Variants in DLGAP2 observed in about 807,000 individuals in gnomAD.
DLGAP2 encodes disks large-associated protein 2.
In DLGAP2, 26 loss-of-function variants were observed where a neutral mutation model predicts 100.3. The observed-to-expected ratio is 0.26, with a 90% CI of 0.19 to 0.36. DLGAP2 has a LOEUF of 0.36. Among genes scored for constraint, DLGAP2 ranks in the 10% least tolerant of loss-of-function variants. The pLI, the probability that DLGAP2 is intolerant of heterozygous loss-of-function variation, is 1.00. For synonymous variants in DLGAP2, 886 were observed against 630.1 expected (o/e 1.41, Z -6.08); for missense variants, 1,858 against 1,453.2 (o/e 1.28, Z -4.53).
At chr8:1,142,194 A>G (rs1213058542) in intron 2 of DLGAP2, among the ~76,000 whole-genome samples, 3 of 152,022 alleles carry the variant, frequency 2.0e-5, no homozygotes, top group African/African-American at 4.8e-5. Context: ...AGAGGTTGCT[A>G]TACAGTTTTT....
At chr8:1,520,392 G>T (rs1800551996) in intron 4 of DLGAP2, among the ~76,000 whole-genome samples, 1 of 152,210 alleles carries the variant, frequency 6.6e-6, no homozygotes, top group Non-Finnish European at 1.5e-5. Flanking sequence ...CACTGGCGTG[G>T]TGCATCTGTC....
intron 4 of DLGAP2, among the ~76,000 whole-genome samples, chr8:1,525,191 CTT>C (rs56358216): frequency 0.34 from 34,574 of 102,756 alleles, 4,012 homozygotes; most frequent in South Asian, 0.52. Context: ...ACTCTGATGT[CTT>C]TTTTTTTTTT....
intron 2 of DLGAP2, among the ~76,000 whole-genome samples, chr8:1,103,086 G>A (rs1804639432): frequency 6.6e-6 from 1 of 151,734 alleles, no homozygotes; most frequent in South Asian, 2.1e-4. Context: ...GTAACTTTCT[G>A]GGGGTCTCTG....
chr8:913,147 A>T (rs1297586861), intron 2 of DLGAP2, among the ~76,000 whole-genome samples: 1 of 152,196 alleles, frequency 6.6e-6, no homozygotes, highest in Non-Finnish European at 1.5e-5. Flanking sequence ...AGGATTTTGG[A>T]AGCCTACAGG....
intron 2 of DLGAP2, among the ~76,000 whole-genome samples, chr8:1,212,980 C>T (rs118064247): frequency 6.6e-6 from 1 of 151,990 alleles, no homozygotes; most frequent in East Asian, 1.9e-4. Flanking sequence ...TATTATATGC[C>T]ATTGTTGCTC....
At chr8:787,443 A>G (rs1473976976) in intron 1 of DLGAP2, among the ~76,000 whole-genome samples, 1 of 152,212 alleles carries the variant, frequency 6.6e-6, no homozygotes, top group Admixed American at 6.5e-5. Context: ...GCTTCTCCAA[A>G]GAGAGCGCCC....
chr8:1,232,070 T>C (rs952574748), intron 2 of DLGAP2, among the ~76,000 whole-genome samples: 3 of 152,222 alleles, frequency 2.0e-5, no homozygotes, highest in Non-Finnish European at 4.4e-5. Context: ...AACCAATATT[T>C]TGAATTCCTT....
At chr8:1,164,217 A>AGGGCCTAATG (rs1796959720) in intron 2 of DLGAP2, among the ~76,000 whole-genome samples, 2 of 30,722 alleles carry the variant, frequency 6.5e-5, no homozygotes, top group East Asian at 1.0e-3. Context: ...AGGGCCCGTC[A>AGGGCCTAATG]TTTTGGTTTG....
chr8:1,165,300 GGAGA>G (rs143237912), intron 2 of DLGAP2, among the ~76,000 whole-genome samples: 3 of 150,878 alleles, frequency 2.0e-5, no homozygotes, highest in African/African-American at 4.9e-5. Flanking sequence ...AGAGAGACAG[GGAGA>G]GAGAGAGAGA....
At chr8:858,018 C>T (rs1027949405) in intron 1 of DLGAP2, among the ~76,000 whole-genome samples, 2 of 152,160 alleles carry the variant, frequency 1.3e-5, no homozygotes, top group South Asian at 2.1e-4. Context: ...TACAGGCATA[C>T]GCCACCATGC....
intron 3 of DLGAP2, among the ~76,000 whole-genome samples, chr8:1,432,739 G>A (rs1797487917): frequency 2.0e-5 from 3 of 152,204 alleles, no homozygotes; most frequent in South Asian, 4.1e-4. Context: ...GGGCCTCTGG[G>A]GACCTCCATG....
chr8:1,029,132 G>A (rs79955402), intron 2 of DLGAP2, among the ~76,000 whole-genome samples: 2,790 of 152,238 alleles, frequency 0.018, 97 homozygotes, highest in African/African-American at 0.064. Context: ...TAGCGTGGCC[G>A]GCCAGGTCCC....
chr8:844,362 C>G (rs191087602), intron 1 of DLGAP2, among the ~76,000 whole-genome samples: 2 of 152,348 alleles, frequency 1.3e-5, no homozygotes, highest in African/African-American at 4.8e-5. Context: ...GAAGGGAGCA[C>G]AGCCTTCTGC....
At chr8:1,150,819 A>G (rs978263458) in intron 2 of DLGAP2, among the ~76,000 whole-genome samples, 1 of 152,256 alleles carries the variant, frequency 6.6e-6, no homozygotes, top group Non-Finnish European at 1.5e-5. Flanking sequence ...GAGAATCTGA[A>G]AAACTAAATA....
intron 3 of DLGAP2, among the ~76,000 whole-genome samples, chr8:1,372,205 C>T (rs994448616): frequency 6.7e-6 from 1 of 149,836 alleles, no homozygotes; most frequent in Admixed American, 6.6e-5. Context: ...GGTCACCGTG[C>T]TGCCAACGCT....
At chr8:801,545 G>A (rs1796151957) in intron 1 of DLGAP2, among the ~76,000 whole-genome samples, 1 of 152,224 alleles carries the variant, frequency 6.6e-6, no homozygotes, top group Admixed American at 6.5e-5. Flanking sequence ...AGGCTGTGCT[G>A]CCTGGTTCGG....
chr8:1,471,735 A>C (rs935487549), intron 3 of DLGAP2, among the ~76,000 whole-genome samples: 8 of 152,144 alleles, frequency 5.3e-5, no homozygotes. Flanking sequence ...CTGGTGACGG[A>C]CCATGCTGTG....
intron 2 of DLGAP2, among the ~76,000 whole-genome samples, chr8:1,041,524 GCCCCTTGCCGTGGGTGAGTGTTCTCCGAA>G (rs879824920): frequency 1.7e-3 from 252 of 150,900 alleles, no homozygotes; most frequent in African/African-American, 3.2e-3. Context: ...TGTTCTCTGA[GCCCCTTGCCGTGGGTGAGTGTTCTCCGAA>G]CCCCTTGCCG....
At chr8:1,281,116 T>C (rs1202336331) in intron 3 of DLGAP2, among the ~76,000 whole-genome samples, 1 of 152,244 alleles carries the variant, frequency 6.6e-6, no homozygotes, top group African/African-American at 2.4e-5. Flanking sequence ...CAAGTTCTTA[T>C]AGTGCCTAAC....
Sources: allele counts gnomAD v4.1 joint callset (sites outside exome capture counted in the v4.1 genomes callset), GRCh38; gene constraint gnomAD v4.1.1; transcripts MANE v1.5; gene names NCBI Gene and HGNC (gene_info 2026-07-23, HGNC 2026-07-21).